Variants in PAPOLA observed in about 807,000 individuals in gnomAD.
PAPOLA encodes poly(A) polymerase alpha.
Under a neutral mutation model 100.6 loss-of-function variants are expected in PAPOLA, and 15 were observed. That is an observed-to-expected ratio of 0.15 (90% CI 0.10 to 0.23). The LOEUF is 0.23. Among genes scored for constraint, PAPOLA ranks in the 10% least tolerant of loss-of-function variants. The pLI, the probability that PAPOLA is intolerant of heterozygous loss-of-function variation, is 1.00. For synonymous variants in PAPOLA, 293 were observed against 300.0 expected (o/e 0.98, Z 0.24); for missense variants, 533 against 884.2 (o/e 0.60, Z 5.04).
chr14:96,531,297 G>A (rs1898997014), intron 6 of PAPOLA, among the ~76,000 whole-genome samples, 178 bp from the exon 7 acceptor site: 1 of 148,994 alleles, frequency 6.7e-6, no homozygotes, highest in Admixed American at 6.6e-5. Flanking sequence ...CACTGTGCCA[G>A]ACCTGTATTT....
intron 16 of PAPOLA, among the ~76,000 whole-genome samples, chr14:96,549,706 T>G (rs868635226): frequency 6.6e-5 from 10 of 152,238 alleles, no homozygotes; most frequent in African/African-American, 2.2e-4. Context: ...AGTTTTATTT[T>G]AAAATTAAAG....
chr14:96,548,430 G>A (rs537803127), intron 16 of PAPOLA, among the ~76,000 whole-genome samples: 2 of 152,112 alleles, frequency 1.3e-5, no homozygotes, highest in Non-Finnish European at 2.9e-5. Flanking sequence ...CATTGTTCTA[G>A]TGTTAGTGCT....
At chr14:96,535,681 C>A in intron 10 of PAPOLA, 198 bp from the exon 11 acceptor site, 1 of 819,474 alleles carries the variant, frequency 1.2e-6, no homozygotes, top group Non-Finnish European at 1.6e-6. Context: ...TGAAGCAGAT[C>A]ATTAGTTTAG....
chr14:96,537,301 C>T (rs1365734447), intron 12 of PAPOLA: 4 of 484,244 alleles, frequency 8.3e-6, no homozygotes, highest in African/African-American at 3.9e-5. Context: ...AACATAAGTT[C>T]TGTAGGCATA....
At chr14:96,506,414 T>C in intron 1 of PAPOLA, among the ~76,000 whole-genome samples, 1 of 152,208 alleles carries the variant, frequency 6.6e-6, no homozygotes, top group East Asian at 1.9e-4. Flanking sequence ...GGTGTTCTCA[T>C]GGAGCTCCAT....
At position 96,532,344 on chromosome 14, in the gene PAPOLA, C is replaced by A. The variant is rs368898904; in HGVS notation, c.621C>A (p.Thr207=). The A allele has an allele frequency of 6.2e-7, 1 of 1,611,014 alleles. No homozygotes were observed. Among genetic ancestry groups the A allele is most frequent in the South Asian group, 1.1e-5 (1 of 90,470 alleles). ...CIRSLNGCRV[T]DEILHLVPNI... Reference sequence around the variant, plus strand: ...CCTATTAATTAGGTTGCAGGGTAACCGATGAAATTTTACATCTAGTACCAA... The same window carrying A: ...CCTATTAATTAGGTTGCAGGGTAACAGATGAAATTTTACATCTAGTACCAA... Residue 207 remains threonine, a synonymous_variant, in exon 8 of 22, where the codon ACC becomes ACA. Coordinates refer to ENST00000216277, the MANE Select transcript of PAPOLA (RefSeq NM_032632.5).
At chr14:96,511,526 C>G (rs1278822553) in intron 1 of PAPOLA, among the ~76,000 whole-genome samples, 6 of 152,206 alleles carry the variant, frequency 3.9e-5, no homozygotes, top group Non-Finnish European at 8.8e-5. Flanking sequence ...CCTTTCCGAT[C>G]ATTTACTGTG....
intron 12 of PAPOLA, among the ~76,000 whole-genome samples, chr14:96,540,623 A>G (rs556852284): frequency 2.6e-5 from 4 of 152,270 alleles, no homozygotes; most frequent in East Asian, 1.9e-4. Flanking sequence ...TGTATTTGAC[A>G]TATTCCAAAT....
chr14:96,518,820 G>A (rs1897694590), intron 1 of PAPOLA, among the ~76,000 whole-genome samples: 1 of 151,958 alleles, frequency 6.6e-6, no homozygotes, highest in Non-Finnish European at 1.5e-5. Context: ...ACTTTGGGAG[G>A]CCAAAGGGAG....
chr14:96,502,660 G>A (rs1170922927), intron 1 of PAPOLA, 60 bp downstream of exon 1: 10 of 1,546,738 alleles, frequency 6.5e-6, no homozygotes, highest in Middle Eastern at 4.1e-4. Flanking sequence ...GGGCGTCCGG[G>A]AAGGGGAAGA....
intron 1 of PAPOLA, among the ~76,000 whole-genome samples, chr14:96,514,261 C>T (rs1422792315): frequency 2.6e-5 from 4 of 151,620 alleles, no homozygotes; most frequent in African/African-American, 9.7e-5. Context: ...GCAAGTTCCA[C>T]CTCCCGGGTT....
At position 96,560,629 on chromosome 14, in the gene PAPOLA, G is replaced by T. The variant is rs748161589; in HGVS notation, c.2005-20G>T. ...TAAATTTTTCATTTTAGAGAATAAA[G>T]CTTTTTTTTTTAAAAACAGGATGAA... On this transcript the variant is annotated intron_variant, in intron 19 of 21. Coordinates refer to ENST00000216277, the MANE Select transcript of PAPOLA (RefSeq NM_032632.5). 1.9e-6 allele frequency: 3 copies of T among 1,547,906 alleles called. No homozygotes were observed. The highest frequency in any genetic ancestry group is 2.7e-6 in the Non-Finnish European group (3 of 1,126,712).
At chr14:96,535,502 A>G (rs915693352) in intron 10 of PAPOLA, 3 of 986,018 alleles carry the variant, frequency 3.0e-6, no homozygotes, top group African/African-American at 3.5e-5. Flanking sequence ...CTTGTTGAAA[A>G]TTAGCTTACA....
At chr14:96,518,547 C>G (rs1222331711) in intron 1 of PAPOLA, among the ~76,000 whole-genome samples, 3 of 151,458 alleles carry the variant, frequency 2.0e-5, no homozygotes, top group Admixed American at 6.6e-5. Context: ...GTAGCTGGGA[C>G]TACAGGCGCC....
intron 7 of PAPOLA, 93 bp downstream of exon 7, chr14:96,531,679 A>G (rs1177098596): frequency 4.6e-6 from 7 of 1,535,430 alleles, no homozygotes; most frequent in Middle Eastern, 2.0e-4. Context: ...TTTTATAGCT[A>G]TATTGTTAAC....
At chr14:96,540,576 C>G (rs1157645117) in intron 12 of PAPOLA, among the ~76,000 whole-genome samples, 3 of 151,992 alleles carry the variant, frequency 2.0e-5, no homozygotes, top group Non-Finnish European at 4.4e-5. Flanking sequence ...TTTTATATGA[C>G]TTTTGTTGAT....
At chr14:96,559,351 T>C (rs938202836) in intron 19 of PAPOLA, among the ~76,000 whole-genome samples, 1 of 151,918 alleles carries the variant, frequency 6.6e-6, no homozygotes, top group African/African-American at 2.4e-5. Flanking sequence ...TTAGAAATTT[T>C]AGCAAAGCAG....
intron 19 of PAPOLA, among the ~76,000 whole-genome samples, chr14:96,559,726 C>T (rs1901686006): frequency 6.6e-6 from 1 of 151,574 alleles, no homozygotes; most frequent in South Asian, 2.1e-4. Context: ...CTAGCTTCAA[C>T]AGTTAACAAC....
chr14:96,532,023 TC>T, intron 7 of PAPOLA: 1 of 1,251,784 alleles, frequency 8.0e-7, no homozygotes, highest in Non-Finnish European at 1.0e-6. Flanking sequence ...GATTAAGTCT[TC>T]CGCAGTATAT....
Sources: allele counts gnomAD v4.1 joint callset (sites outside exome capture counted in the v4.1 genomes callset), GRCh38; gene constraint gnomAD v4.1.1; transcripts MANE v1.5; gene names NCBI Gene and HGNC (gene_info 2026-07-23, HGNC 2026-07-21).